Variants in CLVS1 observed in about 807,000 individuals in gnomAD.
CLVS1 encodes clavesin-1.
In CLVS1, 10 loss-of-function variants were observed where a neutral mutation model predicts 33.1. That is an observed-to-expected ratio of 0.30 (90% CI 0.19 to 0.51). The LOEUF is 0.51. Among genes scored for constraint, CLVS1 ranks in the 20% least tolerant of loss-of-function variants. The pLI is 0.97. For missense variants in CLVS1, 343 were observed against 433.4 expected (o/e 0.79, Z 1.85); for synonymous variants, 163 against 166.1 (o/e 0.98, Z 0.14).
chr8:61,414,710 A>G (rs1215858873), intron 3 of CLVS1, among the ~76,000 whole-genome samples: 1 of 152,204 alleles, frequency 6.6e-6, no homozygotes, highest in African/African-American at 2.4e-5. Context: ...AGAAAGAGAA[A>G]CACCCTCAAG....
rs553220163 is a variant in CLVS1, at chr8:61,481,549, T to C, written c.978-17906T>C. 5.3e-5 allele frequency among the ~76,000 whole-genome samples: 8 copies of C among 152,338 alleles called. No homozygotes were observed. In the South Asian group the frequency reaches 1.7e-3, roughly 32 times the overall value. The stretch of plus-strand genomic sequence containing the variant: ...TAGCAAATGGCACACCAGGAGATTA[T>C]ATTCCATGCCTGGCTTGGAGGGTCC... On this transcript the variant is annotated intron_variant, in intron 5 of 5. Transcript: ENST00000325897.
chr8:60,972,342 C>G, the CLVS1 span, among the ~76,000 whole-genome samples: 1 of 152,200 alleles, frequency 6.6e-6, no homozygotes, highest in Non-Finnish European at 1.5e-5. Context: ...ATGGGCCAAA[C>G]TAACTCTGGG....
chr8:61,438,143 G>A (rs1816409640), intron 3 of CLVS1, among the ~76,000 whole-genome samples: 3 of 152,146 alleles, frequency 2.0e-5, no homozygotes, highest in African/African-American at 7.2e-5. Context: ...AGCCCAGCAT[G>A]CATTAGCTAT....
At chr8:61,414,493 G>T (rs563976564) in intron 3 of CLVS1, among the ~76,000 whole-genome samples, 12 of 151,782 alleles carry the variant, frequency 7.9e-5, no homozygotes, top group Non-Finnish European at 1.6e-4. Context: ...GACAGAATGA[G>T]GTATCTTTGA....
At chr8:61,059,168 A>G (rs950702183) in intron 1 of CLVS1, among the ~76,000 whole-genome samples, 3 of 152,108 alleles carry the variant, frequency 2.0e-5, no homozygotes, top group Non-Finnish European at 4.4e-5. Context: ...CATTAGCAAC[A>G]TATGAGAGTT....
At chr8:61,059,742 C>T (rs761435816) in intron 1 of CLVS1, among the ~76,000 whole-genome samples, 1 of 145,176 alleles carries the variant, frequency 6.9e-6, no homozygotes, top group Non-Finnish European at 1.5e-5. Flanking sequence ...ACCTGGGAGG[C>T]GGAGGTTGCA....
chr8:60,996,509 T>C, the CLVS1 span, among the ~76,000 whole-genome samples: 1 of 152,166 alleles, frequency 6.6e-6, no homozygotes. Flanking sequence ...ATAAGAAAAG[T>C]GGAAATTTCT....
intron 1 of CLVS1, among the ~76,000 whole-genome samples, chr8:61,101,421 G>A (rs909930627): frequency 3.3e-5 from 5 of 152,014 alleles, no homozygotes; most frequent in African/African-American, 1.2e-4. Context: ...ATCTTCTCTG[G>A]AAAAATGTCT....
At chr8:61,420,251 C>G (rs145508672) in intron 3 of CLVS1, among the ~76,000 whole-genome samples, 2 of 152,134 alleles carry the variant, frequency 1.3e-5, no homozygotes, top group East Asian at 1.9e-4. Context: ...AAGCATGTGA[C>G]AGACGGTCTG....
At chr8:61,146,999 G>A (rs1806433809) in intron 2 of CLVS1, among the ~76,000 whole-genome samples, 1 of 152,242 alleles carries the variant, frequency 6.6e-6, no homozygotes, top group Non-Finnish European at 1.5e-5. Flanking sequence ...CAACCTGCAA[G>A]TGAGGTGACT....
At chr8:61,223,386 C>A (rs1162964941) in intron 2 of CLVS1, among the ~76,000 whole-genome samples, 2 of 152,158 alleles carry the variant, frequency 1.3e-5, no homozygotes, top group African/African-American at 2.4e-5. Context: ...GTGATGAAAT[C>A]TCTCAGCATT....
intron 2 of CLVS1, among the ~76,000 whole-genome samples, chr8:61,314,525 G>A (rs1279325782): frequency 1.3e-5 from 2 of 152,012 alleles, no homozygotes; most frequent in Admixed American, 6.6e-5. Context: ...ACTTGAAAAA[G>A]CAAAAATAAA....
intron 2 of CLVS1, among the ~76,000 whole-genome samples, chr8:61,363,379 C>T (rs549607136): frequency 5.5e-4 from 84 of 152,260 alleles, no homozygotes; most frequent in Non-Finnish European, 7.9e-4. Flanking sequence ...AGGGAATGTA[C>T]GCTGATGTTT....
At chr8:61,307,088 C>A (rs1017641976) in intron 2 of CLVS1, among the ~76,000 whole-genome samples, 1 of 152,076 alleles carries the variant, frequency 6.6e-6, no homozygotes, top group Non-Finnish European at 1.5e-5. Flanking sequence ...ATAATAAAAG[C>A]CCCAGAATAC....
intron 2 of CLVS1, among the ~76,000 whole-genome samples, chr8:61,226,543 A>T (rs2931345): frequency 0.48 from 72,251 of 152,010 alleles, 17,934 homozygotes; most frequent in East Asian, 0.82. Flanking sequence ...GACTTTGTGG[A>T]ACCTGAGTAG....
At chr8:61,300,487 A>G (rs1810387271) in intron 2 of CLVS1, 2 of 498,314 alleles carry the variant, frequency 4.0e-6, no homozygotes. Flanking sequence ...GAGTTGTAAG[A>G]GACCTTAGAA....
chr8:61,125,377 G>A (rs888947734), intron 1 of CLVS1, among the ~76,000 whole-genome samples: 1 of 152,144 alleles, frequency 6.6e-6, no homozygotes, highest in Admixed American at 6.5e-5. Flanking sequence ...TAGGTGCAGA[G>A]AGCTGAACAA....
At chr8:61,476,636 C>T (rs1817944847) in intron 5 of CLVS1, among the ~76,000 whole-genome samples, 1 of 152,098 alleles carries the variant, frequency 6.6e-6, no homozygotes, top group African/African-American at 2.4e-5. Flanking sequence ...GTGATTTTTG[C>T]ACATTGACTT....
the CLVS1 span, among the ~76,000 whole-genome samples, chr8:60,984,690 G>A: frequency 6.6e-6 from 1 of 152,062 alleles, no homozygotes; most frequent in African/African-American, 2.4e-5. Context: ...TTTCATCCAA[G>A]GTCAAATATG....
Sources: gnomAD v4.1 joint callset for allele counts (sites outside exome capture counted in the v4.1 genomes callset) on GRCh38, gnomAD v4.1.1 for gene constraint, MANE v1.5 for transcripts, NCBI Gene and HGNC (gene_info 2026-07-23, HGNC 2026-07-21) for gene names.